Variants in ARHGEF12 observed in about 807,000 individuals in gnomAD.
The protein encoded by ARHGEF12 is KMT2A/ARHGEF12 fusion protein.
Under a neutral mutation model 211.2 loss-of-function variants are expected in ARHGEF12, and 66 were observed. The ratio of observed to expected loss-of-function variants is 0.31; its 90% confidence interval spans 0.26 to 0.38. ARHGEF12 has a LOEUF of 0.38. ARHGEF12 is among the 10% of genes least tolerant of loss of function. ARHGEF12 has a pLI of 1.00. For synonymous variants in ARHGEF12, 592 were observed against 638.4 expected, an observed-to-expected ratio of 0.93 and a Z score of 1.09; for missense variants, 1,429 against 1,869.5, an observed-to-expected ratio of 0.76 and a Z score of 4.34.
At chr11:120,404,490 A>G (rs567567663) in intron 1 of ARHGEF12, among the ~76,000 whole-genome samples, 2 of 152,366 alleles carry the variant, frequency 1.3e-5, no homozygotes, top group East Asian at 3.9e-4. Flanking sequence ...TTGAAGTAGT[A>G]AGTAGATTAT....
At chr11:120,461,005 C>T (rs1335201974) in intron 27 of ARHGEF12, among the ~76,000 whole-genome samples, 1 of 152,184 alleles carries the variant, frequency 6.6e-6, no homozygotes, top group East Asian at 1.9e-4. Context: ...CTTCAGGCTC[C>T]ACTGTAATCC....
intron 1 of ARHGEF12, among the ~76,000 whole-genome samples, chr11:120,394,757 A>AT (rs1244352450): frequency 6.6e-6 from 1 of 151,938 alleles, no homozygotes; most frequent in African/African-American, 2.4e-5. Context: ...TTCTTCAGAT[A>AT]TTAAAAAAAA....
rs770870380 is a variant in ARHGEF12 at position 120,458,215 on chromosome 11, A to C, written c.2361A>C (p.Lys787Asn). 1 of 1,613,768 alleles carries C rather than the reference A, an allele frequency of 6.2e-7. No individual in the cohort carries two copies. The highest frequency in any genetic ancestry group is 8.5e-7 in the Non-Finnish European group (1 of 1,179,816). The change falls in exon 25 of 41, where the codon AAA becomes AAC. Residue 787 changes from lysine (K) to asparagine (N), a missense_variant. Coordinates refer to ENST00000397843, the MANE Select transcript of ARHGEF12 (RefSeq NM_015313.3). ...VLLGLKPCEI[K>N]RQEVINELFY... ...TGGGACTAAAACCTTGTGAAATCAA[A>C]AGACAGGAAGTGATTAATGGTGAGT...
intron 1 of ARHGEF12, among the ~76,000 whole-genome samples, chr11:120,372,532 C>G (rs1056371257): frequency 1.3e-5 from 2 of 152,136 alleles, no homozygotes; most frequent in Non-Finnish European, 2.9e-5. Flanking sequence ...GTTCTGCTCT[C>G]AAATACATCT....
chr11:120,406,264 T>A, intron 2 of ARHGEF12, 123 bp downstream of exon 2: 1 of 582,848 alleles, frequency 1.7e-6, no homozygotes. Context: ...ATTCAAAATT[T>A]CAAAATGTTT....
At chr11:120,352,532 A>C (rs1035097216) in intron 1 of ARHGEF12, among the ~76,000 whole-genome samples, 2 of 151,964 alleles carry the variant, frequency 1.3e-5, no homozygotes, top group Admixed American at 1.3e-4. Flanking sequence ...TTTAGTTTAT[A>C]TTTTCTGCCA....
At chr11:120,420,244 C>T (rs555435409) in intron 4 of ARHGEF12, among the ~76,000 whole-genome samples, 20 of 152,170 alleles carry the variant, frequency 1.3e-4, no homozygotes, top group Non-Finnish European at 2.4e-4. Context: ...ACTCTGTAAG[C>T]ACCTCCTTTC....
chr11:120,398,571 G>GT lies in ARHGEF12; in HGVS notation c.33-7539dup, dbSNP rs201216645. 3.6e-3 allele frequency among the ~76,000 whole-genome samples: 544 copies of GT among 151,932 alleles called. 2 individuals carry two copies. Among genetic ancestry groups the GT allele is most frequent in the Non-Finnish European group, 5.2e-3 (355 of 67,936 alleles). Reference sequence around the variant, plus strand: ...ATTCAGATTTGGCAGCAGAAAGTGTGTTTTTTTTGTGTGTGTGTGATAAAC... The same window carrying GT: ...ATTCAGATTTGGCAGCAGAAAGTGTGTTTTTTTTTGTGTGTGTGTGATAAAC... On this transcript the variant is annotated intron_variant, in intron 1 of 40. Coordinates refer to ENST00000397843, the MANE Select transcript of ARHGEF12 (RefSeq NM_015313.3).
In ARHGEF12 at chr11:120,477,209, CTT is replaced by C; in HGVS notation, c.3366-8_3366-7del. 6.2e-7 allele frequency: 1 copy of C among 1,613,024 alleles called. No individual in the cohort carries two copies. The stretch of plus-strand genomic sequence containing the variant: ...TTTTGTATTTTGGATTTCTTTCCAA[CTT>C]TCTGAAGCTGGCAGGACCTAATCTG... On this transcript the variant is annotated splice_polypyrimidine_tract_variant and splice_region_variant and intron_variant, in intron 34 of 40. Coordinates refer to ENST00000397843, the MANE Select transcript of ARHGEF12 (RefSeq NM_015313.3).
intron 20 of ARHGEF12, 101 bp from the exon 21 acceptor site, chr11:120,449,008 C>G (rs948853933): frequency 3.0e-6 from 3 of 1,001,252 alleles, no homozygotes; most frequent in African/African-American, 3.2e-5. Context: ...TTCATTTACA[C>G]TTAACAATTT....
At chr11:120,379,666 CT>C (rs549997830) in intron 1 of ARHGEF12, among the ~76,000 whole-genome samples, 2 of 151,194 alleles carry the variant, frequency 1.3e-5, no homozygotes, top group African/African-American at 4.9e-5. Context: ...TGTTTTCTTT[CT>C]TTTTTTTGAC....
chr11:120,488,337 AC>A lies in ARHGEF12; in HGVS notation c.*3262del. The A allele has an allele frequency of 4.7e-6, 1 of 214,658 alleles. No individual in the cohort carries two copies. 13.3% of individuals were successfully genotyped at this position (214,658 alleles called of 1,614,324 possible). A position where few individuals can be genotyped will look rare whatever the true frequency, so the allele number is the denominator to read the frequency against. ...TCCTTCCCTATATGTCACAGAGGGCACCACTGAGAACTGCGTGCATAGGACC... is the reference window on the plus strand; with the variant it reads ...TCCTTCCCTATATGTCACAGAGGGCACACTGAGAACTGCGTGCATAGGACC... On this transcript the variant is annotated 3_prime_UTR_variant, in exon 41 of 41. Coordinates refer to ENST00000397843, the MANE Select transcript of ARHGEF12 (RefSeq NM_015313.3).
intron 7 of ARHGEF12, among the ~76,000 whole-genome samples, chr11:120,426,304 T>TA (rs1945345077): frequency 6.6e-6 from 1 of 152,162 alleles, no homozygotes; most frequent in Admixed American, 6.5e-5. Context: ...AAATTTTACT[T>TA]AAAAAATTAA....
At chr11:120,348,616 C>T (rs560465489) in intron 1 of ARHGEF12, among the ~76,000 whole-genome samples, 203 of 152,174 alleles carry the variant, frequency 1.3e-3, no homozygotes, top group African/African-American at 4.4e-3. Flanking sequence ...TCGAGGCAGG[C>T]GGATCACCTG....
At chr11:120,435,241 T>C (rs755112956) in intron 11 of ARHGEF12, among the ~76,000 whole-genome samples, 10 of 152,100 alleles carry the variant, frequency 6.6e-5, no homozygotes, top group Non-Finnish European at 1.3e-4. Flanking sequence ...TTGAGTCAGA[T>C]GTTCAGTAAA....
chr11:120,378,540 G>A (rs758962392), intron 1 of ARHGEF12, among the ~76,000 whole-genome samples: 5 of 152,066 alleles, frequency 3.3e-5, no homozygotes, highest in Non-Finnish European at 5.9e-5. Flanking sequence ...GGTCCCTATC[G>A]TAAATATCTT....
intron 31 of ARHGEF12, 37 bp from the exon 32 acceptor site, chr11:120,474,523 G>A: frequency 1.3e-6 from 2 of 1,494,358 alleles, no homozygotes; most frequent in South Asian, 2.3e-5. Flanking sequence ...CTGAGTGCTT[G>A]GAAATTATTT....
rs116572009 is a variant in ARHGEF12 at position 120,477,587 on chromosome 11, G to A, written c.3532+61G>A. 5.8e-4 allele frequency: 860 copies of A among 1,487,178 alleles called. 2 individuals carry two copies. In the African/African-American group the frequency reaches 0.01, roughly 18 times the overall value. The allele number at this position is 1,487,178 out of a possible 1,614,324, so 92.1% of individuals were successfully genotyped here. A position where few individuals can be genotyped will look rare whatever the true frequency, so the allele number is the denominator to read the frequency against. ...TCTATTATCTGTTAAAATGCTGGCC[G>A]GATGTGGTGGCTCATGCCTGTAATC... On this transcript the variant is annotated intron_variant, in intron 36 of 40. Transcript: ENST00000397843.
intron 11 of ARHGEF12, among the ~76,000 whole-genome samples, chr11:120,434,759 C>G (rs144725464): frequency 3.9e-5 from 6 of 152,278 alleles, no homozygotes; most frequent in Admixed American, 3.9e-4. Flanking sequence ...ATCTGAAATT[C>G]AGAGCATCTA....
Sources: gnomAD v4.1 joint callset for allele counts (sites outside exome capture counted in the v4.1 genomes callset) on GRCh38, gnomAD v4.1.1 for gene constraint, MANE v1.5 for transcripts, NCBI Gene and HGNC (gene_info 2026-07-23, HGNC 2026-07-21) for gene names.